CEP162: variants seen among roughly 807,000 people sequenced by gnomAD.
CEP162 encodes centrosomal protein of 162 kDa.
Under a neutral mutation model 169.2 loss-of-function variants are expected in CEP162, and 141 were observed. The ratio of observed to expected loss-of-function variants is 0.83; its 90% CI spans 0.73 to 0.96. The LOEUF (loss-of-function observed/expected upper bound fraction) is 0.96, where lower values mean the gene tolerates loss of function less well. CEP162 is among the 40% of genes least tolerant of loss of function. The pLI, the probability that CEP162 is intolerant of heterozygous loss-of-function variation, is 0.00. For missense variants in CEP162, 1,600 were observed against 1,587.2 expected (o/e 1.01, Z -0.14); for synonymous variants, 540 against 526.4 (o/e 1.03, Z -0.35).
intron 13 of CEP162, among the ~76,000 whole-genome samples, chr6:84,183,471 C>G (rs1473031153): frequency 6.6e-6 from 1 of 152,108 alleles, no homozygotes; most frequent in Non-Finnish European, 1.5e-5. Context: ...ACTCCCCAGT[C>G]TCATTCCCTC....
At chr6:84,135,089 A>G (rs139831900) in intron 25 of CEP162, among the ~76,000 whole-genome samples, 86 of 152,298 alleles carry the variant, frequency 5.6e-4, no homozygotes, top group African/African-American at 1.9e-3. Flanking sequence ...ATGAATAGAA[A>G]AAAATCTGGA....
intron 18 of CEP162, among the ~76,000 whole-genome samples, chr6:84,166,696 C>A (rs1180831101): frequency 6.6e-6 from 1 of 152,098 alleles, no homozygotes; most frequent in Admixed American, 6.6e-5. Context: ...AAGGAAAGGG[C>A]TCAGGAACTT....
intron 5 of CEP162, 108 bp from the exon 6 acceptor site, chr6:84,213,132 C>T: frequency 4.9e-6 from 3 of 611,160 alleles, no homozygotes; most frequent in South Asian, 6.0e-5. Context: ...CATGTCCTCT[C>T]TCAAGTCCTT....
intron 7 of CEP162, 38 bp downstream of exon 7, chr6:84,203,943 A>G (rs762495085): frequency 2.3e-6 from 3 of 1,321,440 alleles, no homozygotes; most frequent in Non-Finnish European, 2.1e-6. Flanking sequence ...TTGAGAAAAA[A>G]GTTGCAAAAC....
chr6:84,184,198 T>C lies in CEP162; in HGVS notation c.1663+989A>G, dbSNP rs151243874. Among the ~76,000 whole-genome samples the C allele has an allele frequency of 1.3e-3, 191 of 152,286 alleles. 1 individual carries two copies. Among genetic ancestry groups the C allele is most frequent in the Middle Eastern group, 3.4e-3 (1 of 294 alleles). On this transcript the variant is annotated intron_variant, in intron 13 of 26. Transcript: ENST00000403245. ...GCAATTCTTCCCTCACTCTCGTACA[T>C]TGTCAATTATTTTTCTTTCTATCAA...
chr6:84,181,544 T>C (rs748576804), intron 13 of CEP162, among the ~76,000 whole-genome samples: 10 of 152,160 alleles, frequency 6.6e-5, no homozygotes, highest in African/African-American at 1.7e-4. Context: ...TTTATCCTTT[T>C]ACACATGAAA....
chr6:84,178,852 T>C (rs1283659336), intron 13 of CEP162, among the ~76,000 whole-genome samples: 1 of 152,144 alleles, frequency 6.6e-6, no homozygotes, highest in Non-Finnish European at 1.5e-5. Flanking sequence ...GCTGTTCCCC[T>C]TCCTGTGTCC....
Position 84,200,867 on chromosome 6 carries a change from T to C in CEP162, c.757A>G (p.Asn253Asp), listed in dbSNP as rs1562076065. 2 of 1,611,138 alleles carry C rather than the reference T, an allele frequency of 1.2e-6. No homozygotes were observed. The highest frequency in any genetic ancestry group is 2.2e-5 in the East Asian group (1 of 44,826). ...LDSLDSVAEV[N>D]LDEQDKITPK... Reference sequence around the variant, plus strand: ...GTTATTTTATCTTGTTCATCAAGATTGACCTCTGCAACAGAGTCTAATGAA... The same window carrying C: ...GTTATTTTATCTTGTTCATCAAGATCGACCTCTGCAACAGAGTCTAATGAA... Residue 253 changes from asparagine (N) to aspartate (D), a missense_variant, in exon 9 of 27, where the codon AAT (asparagine) becomes GAT (aspartate). Physicochemically the swap from Asn to Asp is conservative, Grantham distance 23. Transcript: ENST00000403245.
chr6:84,208,542 T>G (rs1220192959), intron 6 of CEP162, among the ~76,000 whole-genome samples: 2 of 152,214 alleles, frequency 1.3e-5, no homozygotes, highest in African/African-American at 2.4e-5. Context: ...TAATTAATAC[T>G]GGAAGTGAAG....
In CEP162 at chr6:84,175,270, T is replaced by C. The variant is rs776006596; in HGVS notation, c.1741A>G (p.Thr581Ala). 4 of 1,547,136 alleles carry C rather than the reference T, an allele frequency of 2.6e-6. No individual in the cohort carries two copies. In the African/African-American group the frequency reaches 4.1e-5, roughly 16 times the overall value. ...GTGGGATTTTCAGACTTCTTACGAGTAGACAGGCAACTTTCAGTTTTGTGA... is the reference window on the plus strand; with the variant it reads ...GTGGGATTTTCAGACTTCTTACGAGCAGACAGGCAACTTTCAGTTTTGTGA... ...PAHKTESCLS[T>A]RKKSENPTET... The change falls in exon 14 of 27, where the codon ACT (threonine) becomes GCT (alanine). Residue 581 changes from threonine (T) to alanine (A), a missense_variant. By Grantham distance (58) the Thr-to-Ala change is moderately conservative (BLOSUM62 0). Coordinates refer to ENST00000403245, the MANE Select transcript of CEP162 (RefSeq NM_014895.4).
chr6:84,179,494 C>T (rs866162227), intron 13 of CEP162, among the ~76,000 whole-genome samples: 1 of 152,072 alleles, frequency 6.6e-6, no homozygotes. Flanking sequence ...CTTTTCATAT[C>T]CTTCACCCAC....
intron 24 of CEP162, among the ~76,000 whole-genome samples, chr6:84,148,251 T>A (rs1220453530): frequency 3.3e-5 from 5 of 152,138 alleles, no homozygotes; most frequent in Non-Finnish European, 5.9e-5. Flanking sequence ...ACAGACTTCA[T>A]TACATTTTGC....
At chr6:84,160,519 T>C (rs995794336) in intron 21 of CEP162, among the ~76,000 whole-genome samples, 5 of 152,154 alleles carry the variant, frequency 3.3e-5, no homozygotes, top group African/African-American at 1.2e-4. Flanking sequence ...TAACTCTATA[T>C]CCAGAGTTCC....
chr6:84,212,030 T>C (rs761334914), intron 6 of CEP162, among the ~76,000 whole-genome samples: 7 of 150,746 alleles, frequency 4.6e-5, no homozygotes, highest in Non-Finnish European at 1.0e-4. Context: ...ATCATTAAAC[T>C]GCCCGAAGGA....
At chr6:84,191,009 G>C (rs889513329) in intron 11 of CEP162, among the ~76,000 whole-genome samples, 1 of 152,122 alleles carries the variant, frequency 6.6e-6, no homozygotes. Flanking sequence ...TTTTTTGCTT[G>C]TAAATTTGCT....
At chr6:84,169,499 A>G in intron 17 of CEP162, 66 bp from the exon 18 acceptor site, 1 of 909,922 alleles carries the variant, frequency 1.1e-6, no homozygotes, top group Non-Finnish European at 1.6e-6. Context: ...AGTAGAAAAT[A>G]TTCAATTCTT....
intron 8 of CEP162, 136 bp from the exon 9 acceptor site, chr6:84,201,041 G>T (rs1562076431): frequency 2.4e-6 from 1 of 410,316 alleles, no homozygotes; most frequent in Non-Finnish European, 4.5e-6. Flanking sequence ...CACTTTGGGA[G>T]GCCAAGGCGG....
At chr6:84,207,445 T>C (rs1218045601) in intron 6 of CEP162, among the ~76,000 whole-genome samples, 3 of 151,856 alleles carry the variant, frequency 2.0e-5, no homozygotes, top group Non-Finnish European at 2.9e-5. Context: ...GAAACCATCA[T>C]TCTGAGCAAA....
chr6:84,196,382 C>G (rs1036637580), intron 9 of CEP162, among the ~76,000 whole-genome samples: 3 of 152,148 alleles, frequency 2.0e-5, no homozygotes, highest in Non-Finnish European at 4.4e-5. Context: ...TACAATAAAC[C>G]CTTTTTCCTG....
Sources: allele counts gnomAD v4.1 joint callset (sites outside exome capture counted in the v4.1 genomes callset), GRCh38; gene constraint gnomAD v4.1.1; transcripts MANE v1.5; gene names NCBI Gene and HGNC (gene_info 2026-07-23, HGNC 2026-07-21).